Variants in KSR2 observed in about 807,000 individuals in gnomAD.
KSR2 encodes kinase suppressor of ras 2.
In KSR2, 25 loss-of-function variants were observed where a neutral mutation model predicts 107.8. The ratio of observed to expected loss-of-function variants is 0.23; its 90% CI spans 0.17 to 0.32. KSR2 has a LOEUF of 0.32. KSR2 is among the 10% of genes least tolerant of loss of function. The probability of loss-of-function intolerance (pLI) is 1.00; values close to 1 mark genes in which losing one functional copy is unlikely to be tolerated. For synonymous variants in KSR2, 480 were observed against 507.0 expected, an observed-to-expected ratio of 0.95 and a Z score of 0.71; for missense variants, 887 against 1,268.9, an observed-to-expected ratio of 0.70 and a Z score of 4.57.
intron 1 of KSR2, among the ~76,000 whole-genome samples, chr12:117,941,970 G>C (rs1004140017): frequency 6.6e-6 from 1 of 151,998 alleles, no homozygotes; most frequent in Non-Finnish European, 1.5e-5. Flanking sequence ...AGAAGGTTAT[G>C]AAGTAGAATG....
At chr12:117,941,373 G>GAA (rs5801261) in intron 1 of KSR2, among the ~76,000 whole-genome samples, 16 of 151,234 alleles carry the variant, frequency 1.1e-4, no homozygotes, top group African/African-American at 2.7e-4. Flanking sequence ...GCCATTTGGG[G>GAA]AAAAAAAATC....
At chr12:117,764,447 G>A (rs1889152575) in intron 3 of KSR2, among the ~76,000 whole-genome samples, 1 of 152,136 alleles carries the variant, frequency 6.6e-6, no homozygotes, top group Admixed American at 6.6e-5. Context: ...AAGAGAGATG[G>A]TAACTGGCAG....
intron 7 of KSR2, among the ~76,000 whole-genome samples, chr12:117,559,586 G>T (rs1690953024): frequency 6.6e-6 from 1 of 152,262 alleles, no homozygotes; most frequent in Middle Eastern, 3.4e-3. Context: ...AAAGCCTCAC[G>T]CTGTAGGACA....
intron 1 of KSR2, among the ~76,000 whole-genome samples, chr12:117,860,985 C>G (rs1893271765): frequency 6.6e-6 from 1 of 152,188 alleles, no homozygotes. Context: ...TCCCAAAGTG[C>G]TGAGATTACA....
chr12:117,646,949 G>A (rs1247650142), intron 5 of KSR2, among the ~76,000 whole-genome samples: 5 of 152,138 alleles, frequency 3.3e-5, no homozygotes, highest in African/African-American at 4.8e-5. Context: ...TACAGCCAGC[G>A]GGGAGAGGAG....
chr12:117,561,908 C>G (rs1878148000), intron 7 of KSR2, among the ~76,000 whole-genome samples: 1 of 152,234 alleles, frequency 6.6e-6, no homozygotes, highest in African/African-American at 2.4e-5. Context: ...TCATTCAACA[C>G]TGAGTTTGGC....
At chr12:117,822,144 A>C (rs531549801) in intron 3 of KSR2, among the ~76,000 whole-genome samples, 98 of 152,330 alleles carry the variant, frequency 6.4e-4, no homozygotes, top group Non-Finnish European at 1.2e-3. Context: ...TATATGATCT[A>C]AAAAGGGGAG....
At chr12:117,819,816 G>A (rs891488407) in intron 3 of KSR2, among the ~76,000 whole-genome samples, 3 of 151,972 alleles carry the variant, frequency 2.0e-5, no homozygotes, top group African/African-American at 7.3e-5. Context: ...TATTAAGCGT[G>A]ATATTTTCAA....
intron 14 of KSR2, among the ~76,000 whole-genome samples, chr12:117,488,210 CT>C (rs1872572331): frequency 6.6e-6 from 1 of 152,182 alleles, no homozygotes; most frequent in African/African-American, 2.4e-5. Flanking sequence ...CATAAAACCT[CT>C]TTCCTTTATA....
intron 16 of KSR2, among the ~76,000 whole-genome samples, chr12:117,477,350 T>C (rs1871854262): frequency 6.6e-6 from 1 of 152,210 alleles, no homozygotes; most frequent in Admixed American, 6.5e-5. Flanking sequence ...GGATTACAAA[T>C]ACATTTCAGT....
intron 7 of KSR2, among the ~76,000 whole-genome samples, chr12:117,577,453 A>G (rs1879354277): frequency 6.6e-6 from 1 of 152,186 alleles, no homozygotes; most frequent in Admixed American, 6.5e-5. Flanking sequence ...TATGTTCTCA[A>G]GTGTGCTGAT....
intron 8 of KSR2, among the ~76,000 whole-genome samples, chr12:117,557,462 A>AG (rs1232088110): frequency 6.6e-6 from 1 of 152,202 alleles, no homozygotes; most frequent in Non-Finnish European, 1.5e-5. Context: ...CTGTTTAAAA[A>AG]GCAGATTCTC....
chr12:117,526,791 A>G (rs1875199867), intron 13 of KSR2, among the ~76,000 whole-genome samples: 1 of 152,138 alleles, frequency 6.6e-6, no homozygotes, highest in South Asian at 2.1e-4. Flanking sequence ...CTTGGTATTC[A>G]CCCGGCCCTG....
Position 117,525,115 on chromosome 12 carries a change from G to A in KSR2, c.1956C>T (p.Thr652=), listed in dbSNP as rs1237947523. 1.2e-6 allele frequency: 2 copies of A among 1,613,890 alleles called. No homozygotes were observed. Among genetic ancestry groups the A allele is most frequent in the Non-Finnish European group, 1.7e-6 (2 of 1,179,894 alleles). ...TGTCCCACTCCTGAAGGAAGATGCT[G>A]GTCTGGCTGGCCTTGCGTGGGAAGC... ...ARSFPRKASQ[T]SIFLQEWDIP... Residue 652 remains threonine, a synonymous_variant, in exon 14 of 20, where the codon ACC becomes ACT. Coordinates refer to ENST00000339824, the MANE Select transcript of KSR2 (RefSeq NM_173598.6).
At chr12:117,740,498 T>C (rs1194917828) in intron 4 of KSR2, among the ~76,000 whole-genome samples, 1 of 131,294 alleles carries the variant, frequency 7.6e-6, no homozygotes, top group Non-Finnish European at 1.6e-5. Flanking sequence ...ATATATGTTA[T>C]ATATTACATT....
chr12:117,533,660 AC>A (rs1875823548), intron 10 of KSR2, among the ~76,000 whole-genome samples: 2 of 152,196 alleles, frequency 1.3e-5, no homozygotes, highest in Non-Finnish European at 2.9e-5. Context: ...AGGAAAGACG[AC>A]CCGAGGCTCT....
In KSR2 at chr12:117,761,002, C is replaced by G; in HGVS notation, c.986+9G>C. The stretch of plus-strand genomic sequence containing the variant: ...CGACCGCCCCAGGGCACCCACCGAT[C>G]GCACTCACTTGGGCGTGTGGGCCTC... On this transcript the variant is annotated intron_variant, in intron 4 of 19. Coordinates refer to ENST00000339824, the MANE Select transcript of KSR2 (RefSeq NM_173598.6). 6.2e-7 allele frequency: 1 copy of G among 1,613,142 alleles called. No individual in the cohort carries two copies. Among genetic ancestry groups the G allele is most frequent in the African/African-American group, 1.3e-5 (1 of 75,034 alleles).
chr12:117,949,375 T>C (rs957889487), intron 1 of KSR2, among the ~76,000 whole-genome samples: 1 of 152,058 alleles, frequency 6.6e-6, no homozygotes, highest in Non-Finnish European at 1.5e-5. Flanking sequence ...CGAAGAATTG[T>C]ATCCAGGATA....
intron 4 of KSR2, among the ~76,000 whole-genome samples, chr12:117,734,466 T>A (rs1887861985): frequency 1.3e-5 from 2 of 152,140 alleles, no homozygotes; most frequent in Admixed American, 1.3e-4. Context: ...AAAATCTCAC[T>A]AACATCTCAC....
Sources: allele counts gnomAD v4.1 joint callset (sites outside exome capture counted in the v4.1 genomes callset), GRCh38; gene constraint gnomAD v4.1.1; transcripts MANE v1.5; gene names NCBI Gene and HGNC (gene_info 2026-07-23, HGNC 2026-07-21).